The following RBMS3 variants were observed in gnomAD, a reference collection of about 807,000 sequenced individuals.
The protein encoded by RBMS3 is RNA-binding motif, single-stranded-interacting protein 3.
A neutral mutation model predicts 66.8 loss-of-function variants in RBMS3; 27 were observed. The observed-to-expected ratio is 0.40, with a 90% CI of 0.30 to 0.56. The LOEUF is 0.56. Among genes scored for constraint, RBMS3 ranks in the 20% least tolerant of loss-of-function variants. The pLI is 0.40. For synonymous variants in RBMS3, 188 were observed against 183.0 expected (o/e 1.03, Z -0.22); for missense variants, 513 against 549.5 (o/e 0.93, Z 0.66).
chr3:29,705,812 G>A (rs2052861943), intron 4 of RBMS3, among the ~76,000 whole-genome samples: 3 of 152,152 alleles, frequency 2.0e-5, no homozygotes, highest in South Asian at 2.1e-4. Context: ...ATTAGTATTG[G>A]TATTCAGATT....
At chr3:29,678,298 C>G (rs1179182518) in intron 4 of RBMS3, among the ~76,000 whole-genome samples, 2 of 151,932 alleles carry the variant, frequency 1.3e-5, no homozygotes, top group Non-Finnish European at 2.9e-5. Context: ...AAGTATTTAC[C>G]TTTGAAAATT....
intron 8 of RBMS3, among the ~76,000 whole-genome samples, chr3:29,884,667 T>C (rs2059826814): frequency 6.6e-6 from 1 of 151,926 alleles, no homozygotes; most frequent in Non-Finnish European, 1.5e-5. Flanking sequence ...GATTGCATCT[T>C]CATTTTCATA....
intron 4 of RBMS3, among the ~76,000 whole-genome samples, chr3:29,667,631 C>A (rs17024107): frequency 1.3e-5 from 2 of 151,922 alleles, no homozygotes; most frequent in Admixed American, 6.6e-5. Flanking sequence ...AAGAAATTAT[C>A]CTGAAGATTA....
At chr3:29,823,492 G>A (rs904854686) in intron 6 of RBMS3, among the ~76,000 whole-genome samples, 5 of 152,046 alleles carry the variant, frequency 3.3e-5, no homozygotes, top group Admixed American at 6.6e-5. Flanking sequence ...TCTAACATTC[G>A]TCCATTACTA....
At chr3:29,927,202 G>A (rs545573782) in intron 10 of RBMS3, 1 of 152,228 alleles carries the variant, frequency 6.6e-6, no homozygotes, top group Non-Finnish European at 1.5e-5. Context: ...GGAAGTGTAT[G>A]AATGGATCTT....
At chr3:29,609,198 CCT>C (rs1316087912) in intron 4 of RBMS3, among the ~76,000 whole-genome samples, 2 of 151,884 alleles carry the variant, frequency 1.3e-5, no homozygotes, top group Non-Finnish European at 2.9e-5. Flanking sequence ...CATTTCTGTC[CCT>C]GTTTCTTCTG....
At chr3:29,410,967 TAA>T (rs112088181) in intron 1 of RBMS3, among the ~76,000 whole-genome samples, 1 of 135,884 alleles carries the variant, frequency 7.4e-6, no homozygotes. Flanking sequence ...CCTTTCTTCT[TAA>T]AAAAAAAAAA....
chr3:29,684,890 T>C (rs78056029), intron 4 of RBMS3, among the ~76,000 whole-genome samples: 3,947 of 152,108 alleles, frequency 0.026, 168 homozygotes, highest in African/African-American at 0.088. Flanking sequence ...TTAGTATGTT[T>C]ATTGATGAAC....
At chr3:29,715,061 T>C (rs1480255838) in intron 4 of RBMS3, among the ~76,000 whole-genome samples, 1 of 152,206 alleles carries the variant, frequency 6.6e-6, no homozygotes, top group East Asian at 1.9e-4. Context: ...TTCTTCTTTA[T>C]GCTCCCAACT....
At position 29,949,157 on chromosome 3, in the gene RBMS3, G is replaced by C. The variant is rs548142884; in HGVS notation, c.1098+4903G>C. Among the ~76,000 whole-genome samples the C allele has an allele frequency of 2.0e-5, 3 of 151,394 alleles. No homozygotes were observed. The East Asian group carries it at 5.8e-4, about 29-fold the overall frequency. On this transcript the variant is annotated intron_variant, in intron 12 of 14. Coordinates refer to ENST00000383767, the MANE Select transcript of RBMS3 (RefSeq NM_001003793.3). ...TAAAATAGGCAACTAGATTGGACTAGTATATAAATATCACTGTTATTTAGC... is the reference window on the plus strand; with the variant it reads ...TAAAATAGGCAACTAGATTGGACTACTATATAAATATCACTGTTATTTAGC...
intron 6 of RBMS3, among the ~76,000 whole-genome samples, chr3:29,776,308 A>G (rs1217347525): frequency 1.3e-5 from 2 of 151,950 alleles, no homozygotes; most frequent in Non-Finnish European, 2.9e-5. Context: ...GGTTTGACTT[A>G]TGCTGCTGTC....
chr3:29,798,524 T>C (rs187829848), intron 6 of RBMS3, among the ~76,000 whole-genome samples: 65 of 152,248 alleles, frequency 4.3e-4, no homozygotes, highest in Admixed American at 2.2e-3. Flanking sequence ...TTTTGTCTCT[T>C]CTTTTAATTT....
chr3:29,700,894 A>T (rs929633484), intron 4 of RBMS3, among the ~76,000 whole-genome samples: 4 of 152,140 alleles, frequency 2.6e-5, no homozygotes, highest in African/African-American at 9.7e-5. Flanking sequence ...GTACACGTAT[A>T]CGTTGGAGAT....
intron 2 of RBMS3, among the ~76,000 whole-genome samples, chr3:29,454,802 TA>T (rs2042126570): frequency 6.6e-6 from 1 of 152,230 alleles, no homozygotes; most frequent in East Asian, 1.9e-4. Flanking sequence ...GCCCAACATA[TA>T]AAACAACCCT....
At chr3:29,722,313 T>G (rs1369142528) in intron 4 of RBMS3, among the ~76,000 whole-genome samples, 2 of 152,144 alleles carry the variant, frequency 1.3e-5, no homozygotes, top group African/African-American at 4.8e-5. Flanking sequence ...TTTATCATTT[T>G]CTCTATTAAT....
At chr3:29,756,482 G>A (rs1160651640) in intron 5 of RBMS3, among the ~76,000 whole-genome samples, 1 of 152,126 alleles carries the variant, frequency 6.6e-6, no homozygotes, top group Non-Finnish European at 1.5e-5. Flanking sequence ...ATGGCAGTAG[G>A]CAAGAGAGTG....
chr3:29,591,187 G>A (rs143833693), intron 4 of RBMS3, among the ~76,000 whole-genome samples: 49 of 152,238 alleles, frequency 3.2e-4, no homozygotes, highest in Admixed American at 9.8e-4. Flanking sequence ...ATCAATAAAG[G>A]TGACATGCAT....
At chr3:29,940,758 CA>C (rs34538761) in intron 11 of RBMS3, among the ~76,000 whole-genome samples, 83,397 of 145,900 alleles carry the variant, frequency 0.57, 25,394 homozygotes, top group Non-Finnish European at 0.71. Context: ...CTGCAGGCCT[CA>C]AAAAAAAAAA....
chr3:29,849,078 T>A (rs537074648), intron 6 of RBMS3, among the ~76,000 whole-genome samples: 2 of 152,212 alleles, frequency 1.3e-5, no homozygotes, highest in East Asian at 1.9e-4. Flanking sequence ...TAATATCAGA[T>A]ATACACTCAG....
Sources: gnomAD v4.1 joint callset for allele counts (sites outside exome capture counted in the v4.1 genomes callset) on GRCh38, gnomAD v4.1.1 for gene constraint, MANE v1.5 for transcripts, NCBI Gene and HGNC (gene_info 2026-07-23, HGNC 2026-07-21) for gene names.